The following DERA variants were observed in gnomAD, a reference collection of about 807,000 sequenced individuals.
DERA encodes the protein 2-deoxy-D-ribose 5-phosphate aldolase.
DERA carries 15 observed loss-of-function variants against 41.1 expected under a neutral mutation model. The observed-to-expected ratio is 0.37, with a 90% CI of 0.24 to 0.56. The LOEUF (loss-of-function observed/expected upper bound fraction) is 0.56. DERA is among the 20% of genes least tolerant of loss of function. The probability of loss-of-function intolerance (pLI) is 0.81; values close to 1 mark genes in which losing one functional copy is unlikely to be tolerated. For synonymous variants in DERA, 139 were observed against 137.4 expected (o/e 1.01, Z -0.08); for missense variants, 396 against 403.4 (o/e 0.98, Z 0.16).
intron 1 of DERA, 123 bp from the exon 2 acceptor site, chr12:15,956,813 T>C (rs770331577): frequency 1.3e-6 from 1 of 798,086 alleles, no homozygotes; most frequent in East Asian, 2.5e-5. Context: ...AAAAAAGAAA[T>C]ATAAGCTTTA....
Position 15,958,320 on chromosome 12 carries a change from A to G in DERA, c.262A>G (p.Asn88Asp). The G allele has an allele frequency of 6.2e-7, 1 of 1,603,638 alleles. No homozygotes were observed. The highest frequency in any genetic ancestry group is 8.5e-7 in the Non-Finnish European group (1 of 1,175,580). Reference sequence around the variant, plus strand: ...CCGGGAAGATCTCTTAAAAGCTTTAAATATGCATGATAAAGGTAATGTTGT... The same window carrying G: ...CCGGGAAGATCTCTTAAAAGCTTTAGATATGCATGATAAAGGTAATGTTGT... The part of the protein sequence containing the change: ...PIREDLLKAL[N>D]MHDKGITTAA... Residue 88 changes from asparagine to aspartate, a missense_variant, in exon 3 of 9, where the codon AAT becomes GAT. Physicochemically the swap from Asn to Asp is conservative, Grantham distance 23. Transcript: ENST00000428559.
rs1390356507 is a variant in DERA, at chr12:16,011,904, T to C, written c.638-20638T>C. On this transcript the variant is annotated intron_variant, in intron 6 of 8. Transcript: ENST00000428559. The surrounding 1 kb of genome is among the most constrained non-coding windows in gnomAD (Gnocchi z 4.7). Reference sequence around the variant, plus strand: ...GGTACTGGCCTAATTGCCATGAGTCTCATTTTTTTTCTTCTCAGCAATGCC... The same window carrying C: ...GGTACTGGCCTAATTGCCATGAGTCCCATTTTTTTTCTTCTCAGCAATGCC... 1.3e-5 allele frequency among the ~76,000 whole-genome samples: 2 copies of C among 152,208 alleles called. No homozygotes were observed. Among genetic ancestry groups the C allele is most frequent in the Non-Finnish European group, 2.9e-5 (2 of 68,038 alleles).
intron 6 of DERA, among the ~76,000 whole-genome samples, chr12:16,007,173 T>C (rs1299342096): frequency 6.6e-6 from 1 of 150,742 alleles, no homozygotes; most frequent in African/African-American, 2.5e-5. Context: ...TGGGGTTTTT[T>C]TGTTTTTTTT....
rs1948253886 is a variant in DERA, at chr12:15,922,850, A to G, written c.31+11436A>G. On this transcript the variant is annotated intron_variant, in intron 1 of 8. Transcript: ENST00000428559. The surrounding 1 kb of genome is among the most constrained non-coding windows in gnomAD (Gnocchi z 4.9). ...AAGTCTGTAAAACAGACACACGAGA[A>G]TGTAGGTTCATCAGTTGTAAGGTTT... Among the ~76,000 whole-genome samples, 1 of 152,000 alleles carries G rather than the reference A, an allele frequency of 6.6e-6. No homozygotes were observed. The highest frequency in any genetic ancestry group is 1.5e-5 in the Non-Finnish European group (1 of 68,006).
chr12:16,010,300 A>G lies in DERA; in HGVS notation c.638-22242A>G, dbSNP rs1019404284. On this transcript the variant is annotated intron_variant, in intron 6 of 8. Coordinates refer to ENST00000428559, the MANE Select transcript of DERA (RefSeq NM_015954.4). This position sits in a 1 kb window ranked among gnomAD's most constrained non-coding sequence, Gnocchi z 5.5. Reference sequence around the variant, plus strand: ...TGACTTCTGCAGAGTCTAGGTCAGGACCATTCTTCCTGCCCCCTTCACAAC... The same window carrying G: ...TGACTTCTGCAGAGTCTAGGTCAGGGCCATTCTTCCTGCCCCCTTCACAAC... 6.6e-5 allele frequency among the ~76,000 whole-genome samples: 10 copies of G among 152,240 alleles called. No homozygotes were observed. In the East Asian group the frequency reaches 1.9e-3, roughly 29 times the overall value.
At position 16,011,401 on chromosome 12, in the gene DERA, G is replaced by C. The variant is rs145828241; in HGVS notation, c.638-21141G>C. Among the ~76,000 whole-genome samples the C allele has an allele frequency of 2.9e-4, 44 of 152,142 alleles. 1 individual carries two copies. The highest frequency in any genetic ancestry group is 9.6e-4 in the African/African-American group (40 of 41,512). On this transcript the variant is annotated intron_variant, in intron 6 of 8. Transcript: ENST00000428559. This position sits in a 1 kb window ranked among gnomAD's most constrained non-coding sequence, Gnocchi z 4.7. ...ATTTGCATATGCTTACCCTAACCTGGTTGAGCATCCCAAATCCAAAAATCT... is the reference window on the plus strand; with the variant it reads ...ATTTGCATATGCTTACCCTAACCTGCTTGAGCATCCCAAATCCAAAAATCT...
intron 5 of DERA, among the ~76,000 whole-genome samples, chr12:15,974,903 T>G (rs1948687108): frequency 6.6e-6 from 1 of 152,074 alleles, no homozygotes; most frequent in Non-Finnish European, 1.5e-5. Flanking sequence ...TGTCCTTCCC[T>G]CTCTCTCTCC....
In DERA at chr12:15,924,464, A is replaced by T. The variant is rs1359914797; in HGVS notation, c.31+13050A>T. Reference sequence around the variant, plus strand: ...AGTAAATATATTTTTCACTGTAGAGATTACAAATACAATATTCTAGAAATA... The same window carrying T: ...AGTAAATATATTTTTCACTGTAGAGTTTACAAATACAATATTCTAGAAATA... On this transcript the variant is annotated intron_variant, in intron 1 of 8. Coordinates refer to ENST00000428559, the MANE Select transcript of DERA (RefSeq NM_015954.4). The surrounding 1 kb of genome is among the most constrained non-coding windows in gnomAD (Gnocchi z 5.0). 6.6e-6 allele frequency among the ~76,000 whole-genome samples: 1 copy of T among 152,202 alleles called. No homozygotes were observed. Among genetic ancestry groups the T allele is most frequent in the Non-Finnish European group, 1.5e-5 (1 of 68,038 alleles).
At chr12:15,912,382 C>A (rs1565580913) in intron 1 of DERA, among the ~76,000 whole-genome samples, 1 of 152,176 alleles carries the variant, frequency 6.6e-6, no homozygotes, top group Non-Finnish European at 1.5e-5. Context: ...AATTTTTCTT[C>A]AGATTTCTTA....
At chr12:15,977,684 C>T (rs1291646799) in intron 5 of DERA, among the ~76,000 whole-genome samples, 2 of 152,192 alleles carry the variant, frequency 1.3e-5, no homozygotes, top group African/African-American at 4.8e-5. Context: ...TCTCGAACTC[C>T]TGACCTCAGG....
rs1247186217 is a variant in DERA at position 15,996,010 on chromosome 12, G to A, written c.637+13574G>A. On this transcript the variant is annotated intron_variant, in intron 6 of 8. Coordinates refer to ENST00000428559, the MANE Select transcript of DERA (RefSeq NM_015954.4). The surrounding 1 kb of genome is among the most constrained non-coding windows in gnomAD (Gnocchi z 4.7). The stretch of plus-strand genomic sequence containing the variant: ...TGCGCCACATCAGGAGGTAGGAGAC[G>A]TTCGAGGCACAGGCTGAGTGAGCCT... 6.6e-6 allele frequency among the ~76,000 whole-genome samples: 1 copy of A among 152,148 alleles called. No homozygotes were observed. Among genetic ancestry groups the A allele is most frequent in the Non-Finnish European group, 1.5e-5 (1 of 68,040 alleles).
In DERA at chr12:16,032,565, A is replaced by G. The variant is rs1461643072; in HGVS notation, c.661A>G (p.Thr221Ala). 1.3e-6 allele frequency: 2 copies of G among 1,550,342 alleles called. No individual in the cohort carries two copies. The highest frequency in any genetic ancestry group is 1.4e-5 in the African/African-American group (1 of 72,630). Residue 221 changes from threonine to alanine, a missense_variant, in exon 7 of 9, where the codon ACT (threonine) becomes GCT (alanine). Transcript: ENST00000428559. Reference sequence around the variant, plus strand: ...AGGATCAGATTTTATTAAGACCTCTACTGGAAAAGAAACAGTAAATGCCAC... The same window carrying G: ...AGGATCAGATTTTATTAAGACCTCTGCTGGAAAAGAAACAGTAAATGCCAC... ...MAGSDFIKTS[T>A]GKETVNATFP...
chr12:16,028,911 T>C (rs1949071507), intron 6 of DERA, among the ~76,000 whole-genome samples: 1 of 152,146 alleles, frequency 6.6e-6, no homozygotes, highest in South Asian at 2.1e-4. Flanking sequence ...CTGACAAATG[T>C]AGTATGCTAG....
intron 4 of DERA, among the ~76,000 whole-genome samples, chr12:15,961,446 C>T (rs114185467): frequency 0.013 from 1,917 of 151,878 alleles, 29 homozygotes; most frequent in African/African-American, 0.04. Context: ...GGGGCTCAGG[C>T]GAGAGGATTG....
At position 16,004,258 on chromosome 12, in the gene DERA, C is replaced by G. The variant is rs1462299261; in HGVS notation, c.637+21822C>G. 6.6e-6 allele frequency among the ~76,000 whole-genome samples: 1 copy of G among 151,980 alleles called. No individual in the cohort carries two copies. The highest frequency in any genetic ancestry group is 2.4e-5 in the African/African-American group (1 of 41,348). ...GATAATTTGAATCTGAATGTACAGC[C>G]AAGTATTCAAAATATAAATAGATGC... On this transcript the variant is annotated intron_variant, in intron 6 of 8. Coordinates refer to ENST00000428559, the MANE Select transcript of DERA (RefSeq NM_015954.4). This position sits in a 1 kb window ranked among gnomAD's most constrained non-coding sequence, Gnocchi z 4.2.
rs900348351 is a variant in DERA at position 15,988,102 on chromosome 12, G to T, written c.637+5666G>T. On this transcript the variant is annotated intron_variant, in intron 6 of 8. Transcript: ENST00000428559. The surrounding 1 kb of genome is among the most constrained non-coding windows in gnomAD (Gnocchi z 6.0). Reference sequence around the variant, plus strand: ...GTGCCCAAAAACTTGGAGACACCAGGAACCACAGAGCCCCAAAGAGGGTGT... The same window carrying T: ...GTGCCCAAAAACTTGGAGACACCAGTAACCACAGAGCCCCAAAGAGGGTGT... Among the ~76,000 whole-genome samples, 1 of 152,178 alleles carries T rather than the reference G, an allele frequency of 6.6e-6. No individual in the cohort carries two copies. The highest frequency in any genetic ancestry group is 2.4e-5 in the African/African-American group (1 of 41,442).
In DERA at chr12:16,020,184, A is replaced by G. The variant is rs1333718480; in HGVS notation, c.638-12358A>G. Among the ~76,000 whole-genome samples the G allele has an allele frequency of 1.3e-5, 2 of 152,152 alleles. No individual in the cohort carries two copies. The highest frequency in any genetic ancestry group is 2.9e-5 in the Non-Finnish European group (2 of 68,020). On this transcript the variant is annotated intron_variant, in intron 6 of 8. Transcript: ENST00000428559. This position sits in a 1 kb window ranked among gnomAD's most constrained non-coding sequence, Gnocchi z 5.5. ...TATAAATTACCCAATGTATTAGTCC[A>G]CAGGCTGTGCAGGAAGCATGGCTGG...
intron 1 of DERA, among the ~76,000 whole-genome samples, chr12:15,956,432 A>G (rs548879133): frequency 1.3e-5 from 2 of 152,370 alleles, no homozygotes; most frequent in Non-Finnish European, 2.9e-5. Context: ...CTTTGAAGAA[A>G]GAATGGGCTG....
chr12:15,914,156 C>T (rs537695622), intron 1 of DERA, among the ~76,000 whole-genome samples: 5 of 151,990 alleles, frequency 3.3e-5, no homozygotes, highest in South Asian at 2.1e-4. Flanking sequence ...TCAAGGCAGC[C>T]GGATCACTTG....
Sources: allele counts gnomAD v4.1 joint callset (sites outside exome capture counted in the v4.1 genomes callset), GRCh38; gene constraint gnomAD v4.1.1; non-coding constraint Gnocchi (gnomAD v3.1); transcripts MANE v1.5; gene names NCBI Gene and HGNC (gene_info 2026-07-23, HGNC 2026-07-21).